The following LYG2 variants were observed in gnomAD, a reference collection of about 807,000 sequenced individuals.
The protein encoded by LYG2 is lysozyme g2.
LYG2 carries 25 observed loss-of-function variants against 22.4 expected under a neutral mutation model. That is an observed-to-expected ratio of 1.12 (90% CI 0.81 to 1.56). The LOEUF is 1.56. LYG2 is among the 40% of genes most tolerant of loss of function. LYG2 has a pLI of 0.00. For missense variants in LYG2, 266 were observed against 269.5 expected, an observed-to-expected ratio of 0.99 and a Z score of 0.09; for synonymous variants, 88 against 97.0, an observed-to-expected ratio of 0.91 and a Z score of 0.55.
At chr2:99,253,606 T>A (rs1379064537) in intron 3 of LYG2, among the ~76,000 whole-genome samples, 1 of 152,120 alleles carries the variant, frequency 6.6e-6, no homozygotes, top group Non-Finnish European at 1.5e-5. Flanking sequence ...CTTTCCAGCC[T>A]TCCCCCCAGA....
At chr2:99,255,163 CAGT>C (rs2094034049) in intron 1 of LYG2, 26 bp from the exon 2 acceptor site, 2 of 152,212 alleles carry the variant, frequency 1.3e-5, no homozygotes, top group African/African-American at 4.8e-5. Context: ...ATCCATTAGT[CAGT>C]AGATCACTGC....
chr2:99,250,797 C>G (rs941781262), intron 3 of LYG2, among the ~76,000 whole-genome samples: 4 of 152,218 alleles, frequency 2.6e-5, no homozygotes, highest in African/African-American at 9.6e-5. Flanking sequence ...ATAGGCTGTT[C>G]ATTCCAGCAC....
At chr2:99,250,768 T>C (rs1327855463) in intron 3 of LYG2, among the ~76,000 whole-genome samples, 1 of 152,230 alleles carries the variant, frequency 6.6e-6, no homozygotes, top group Non-Finnish European at 1.5e-5. Flanking sequence ...CACACATTGC[T>C]GTGGAACACA....
rs781622268 is a variant in LYG2, at chr2:99,246,763, C to T, written c.101G>A (p.Arg34His). ...SHSMKPHLHP[R>H]LYHGCYGDIM... is the part of the protein sequence containing the mutation. ...GTCCCCATAGCAGCCGTGGTACAGG[C>T]GTGGATGTAGGTGAGGCTTCATTGA... Residue 34 changes from arginine to histidine, a missense_variant, in exon 4 of 7, where the codon CGC becomes CAC. Arg to His is a conservative substitution (Grantham distance 29). Coordinates refer to ENST00000333017, the MANE Select transcript of LYG2 (RefSeq NM_175735.4). The T allele has an allele frequency of 4.3e-6, 7 of 1,613,954 alleles. No individual in the cohort carries two copies. The highest frequency in any genetic ancestry group is 1.3e-5 in the African/African-American group (1 of 74,884).
rs761050419 is a variant in LYG2, at chr2:99,255,114, A to G, written c.-120T>C. ...CTGCACTTCAAGCTTTTACAAAGCG[A>G]CGGCCTTTGTCCTGTAACATAGGCT... On this transcript the variant is annotated 5_prime_UTR_variant, in exon 2 of 7. Coordinates refer to ENST00000333017, the MANE Select transcript of LYG2 (RefSeq NM_175735.4). 2 of 152,388 alleles carry G rather than the reference A, an allele frequency of 1.3e-5. No individual in the cohort carries two copies. The highest frequency in any genetic ancestry group is 2.1e-4 in the South Asian group (1 of 4,826). 9.4% of individuals were successfully genotyped at this position (152,388 alleles called of 1,614,324 possible).
chr2:99,252,908 A>G (rs550034895), intron 3 of LYG2, among the ~76,000 whole-genome samples: 10 of 151,950 alleles, frequency 6.6e-5, no homozygotes, highest in Middle Eastern at 3.4e-3. Flanking sequence ...TTAGCTGGGC[A>G]TGATGGTGGG....
intron 6 of LYG2, 54 bp from the exon 7 acceptor site, chr2:99,242,536 G>A: frequency 4.0e-6 from 5 of 1,256,792 alleles, no homozygotes; most frequent in Non-Finnish European, 5.7e-6. Flanking sequence ...ACAGAAATAA[G>A]CAATGAGCAT....
intron 6 of LYG2, chr2:99,243,540 A>AGAT (rs397949807): frequency 6.6e-4 from 958 of 1,460,384 alleles, no homozygotes; most frequent in Non-Finnish European, 7.8e-4. Context: ...ATAGATAGAT[A>AGAT]AATTTTTTTT....
chr2:99,259,959 CTTTT>C (rs56186823), upstream of LYG2, among the ~76,000 whole-genome samples: 47 of 114,880 alleles, frequency 4.1e-4, no homozygotes, highest in Admixed American at 4.6e-4. Context: ...CAAAAGTAAA[CTTTT>C]TTTTTTTTTT....
Position 99,255,632 on chromosome 2 carries a change from C to T in LYG2, c.-173G>A, listed in dbSNP as rs1301234628. ...AATATTGGGTCTCCTGCTTTTTGTT[C>T]CCATTCCAATGTCATATGATCCCCG... On this transcript the variant is annotated 5_prime_UTR_variant, in exon 1 of 7. Coordinates refer to ENST00000333017, the MANE Select transcript of LYG2 (RefSeq NM_175735.4). Among the ~76,000 whole-genome samples, 1 of 151,978 alleles carries T rather than the reference C, an allele frequency of 6.6e-6. No individual in the cohort carries two copies. Among genetic ancestry groups the T allele is most frequent in the African/African-American group, 2.4e-5 (1 of 41,398 alleles).
At chr2:99,243,001 T>C (rs568433182) in intron 6 of LYG2, among the ~76,000 whole-genome samples, 10 of 152,318 alleles carry the variant, frequency 6.6e-5, no homozygotes, top group Admixed American at 4.6e-4. Flanking sequence ...ATGTATGTGT[T>C]TAACATAATT....
In LYG2 at chr2:99,246,021, T is replaced by C. The variant is rs1007257071; in HGVS notation, c.185-563A>G. On this transcript the variant is annotated intron_variant, in intron 4 of 6. Transcript: ENST00000333017. ...TACTCAGGAGACTGAGGCAGGAGAATCGCTTGAACCTGGGAGGTGGAGATT... is the reference window on the plus strand; with the variant it reads ...TACTCAGGAGACTGAGGCAGGAGAACCGCTTGAACCTGGGAGGTGGAGATT... 1.8e-4 allele frequency among the ~76,000 whole-genome samples: 27 copies of C among 152,188 alleles called. 1 individual carries two copies. Among genetic ancestry groups the C allele is most frequent in the African/African-American group, 6.5e-4 (27 of 41,518 alleles).
At chr2:99,260,674 G>T in the LYG2 span, among the ~76,000 whole-genome samples, 1 of 152,180 alleles carries the variant, frequency 6.6e-6, no homozygotes, top group Non-Finnish European at 1.5e-5. Context: ...AAATGCTGTA[G>T]AAAATGAGGA....
chr2:99,260,279 A>C (rs749673611), upstream of LYG2, among the ~76,000 whole-genome samples: 22 of 152,144 alleles, frequency 1.4e-4, no homozygotes, highest in Non-Finnish European at 2.8e-4. Flanking sequence ...GCTATTTTTT[A>C]AAAACAGCTT....
At chr2:99,250,654 G>T (rs571241069) in intron 3 of LYG2, among the ~76,000 whole-genome samples, 6 of 152,198 alleles carry the variant, frequency 3.9e-5, no homozygotes, top group Non-Finnish European at 7.4e-5. Context: ...GATTACAGGC[G>T]TGAGCCACCA....
rs959273403 is a variant in LYG2 at position 99,242,408 on chromosome 2, C to T, written c.595G>A (p.Asp199Asn). ...PSDIDNDFVN[D>N]IIARAKFYKR... ...TAGAACTTAGCTCGAGCAATGATAT[C>T]ATTGACGAAGTCATTGTCTATGTCC... Residue 199 changes from aspartate to asparagine, a missense_variant, in exon 7 of 7, where the codon GAT (aspartate) becomes AAT (asparagine). Physicochemically the swap from Asp to Asn is conservative, Grantham distance 23. Coordinates refer to ENST00000333017, the MANE Select transcript of LYG2 (RefSeq NM_175735.4). 1 of 1,613,784 alleles carries T rather than the reference C, an allele frequency of 6.2e-7. No homozygotes were observed. The highest frequency in any genetic ancestry group is 1.7e-5 in the Admixed American group (1 of 59,972).
intron 3 of LYG2, among the ~76,000 whole-genome samples, chr2:99,252,820 A>G (rs13004376): frequency 0.38 from 57,935 of 151,620 alleles, 11,800 homozygotes; most frequent in East Asian, 0.64. Flanking sequence ...GCCAAGGCGG[A>G]CGGATCACGA....
At chr2:99,247,560 T>C (rs927253663) in intron 3 of LYG2, among the ~76,000 whole-genome samples, 5 of 152,072 alleles carry the variant, frequency 3.3e-5, no homozygotes, top group Admixed American at 6.6e-5. Flanking sequence ...CAGTACCTGA[T>C]GTGTAGTTTT....
chr2:99,243,602 C>A (rs2094010445), intron 6 of LYG2: 1 of 1,019,712 alleles, frequency 9.8e-7, no homozygotes, highest in African/African-American at 1.6e-5. Flanking sequence ...GTGATGTAAT[C>A]AATGCTCACT....
Sources: allele counts gnomAD v4.1 joint callset (sites outside exome capture counted in the v4.1 genomes callset), GRCh38; gene constraint gnomAD v4.1.1; transcripts MANE v1.5; gene names NCBI Gene and HGNC (gene_info 2026-07-23, HGNC 2026-07-21).